PMS1: variants seen among roughly 807,000 people sequenced by gnomAD.
PMS1 encodes PMS1 homolog 1, mismatch repair system component, also known as PMS1 protein homolog 1.
A neutral mutation model predicts 93.1 loss-of-function variants in PMS1; 79 were observed. The ratio of observed to expected loss-of-function variants is 0.85; its 90% CI spans 0.71 to 1.02. The LOEUF (loss-of-function observed/expected upper bound fraction) is 1.02, where lower values mean the gene tolerates loss of function less well. PMS1 is among the 50% of genes least tolerant of loss of function. The pLI, the probability that PMS1 is intolerant of heterozygous loss-of-function variation, is 0.00. For synonymous variants in PMS1, 335 were observed against 363.4 expected, an observed-to-expected ratio of 0.92 and a Z score of 0.89; for missense variants, 1,064 against 1,085.3, an observed-to-expected ratio of 0.98 and a Z score of 0.28.
rs1271219659 is a variant in PMS1, at chr2:189,855,069, G to A, written c.1797G>A (p.Glu599=). 1 of 1,613,238 alleles carries A rather than the reference G, an allele frequency of 6.2e-7. No individual in the cohort carries two copies. The highest frequency in any genetic ancestry group is 8.5e-7 in the Non-Finnish European group (1 of 1,179,376). The change falls in exon 9 of 13, where the codon GAG becomes GAA. Residue 599 remains glutamate, a synonymous_variant. Transcript: ENST00000441310. ...FLIENPKTSL[E]DATLQIEELW... ...TAGAAAATCCTAAGACTAGTTTAGAGGATGCAACACTACAAATTGAAGAAC... is the reference window on the plus strand; with the variant it reads ...TAGAAAATCCTAAGACTAGTTTAGAAGATGCAACACTACAAATTGAAGAAC...
At chr2:189,856,154 CTTT>C (rs77130183) in intron 9 of PMS1, among the ~76,000 whole-genome samples, 1 of 140,478 alleles carries the variant, frequency 7.1e-6, no homozygotes, top group African/African-American at 2.6e-5. Context: ...TTTTTGTCAT[CTTT>C]TTTTTTTTTT....
chr2:189,846,902 C>T (rs2054300036), intron 6 of PMS1, among the ~76,000 whole-genome samples: 1 of 150,446 alleles, frequency 6.6e-6, no homozygotes, highest in Non-Finnish European at 1.5e-5. Flanking sequence ...TGCTCTGTCA[C>T]CCAGGCTGAA....
chr2:189,840,043 C>T (rs2053693347), intron 5 of PMS1, among the ~76,000 whole-genome samples: 1 of 152,086 alleles, frequency 6.6e-6, no homozygotes, highest in African/African-American at 2.4e-5. Flanking sequence ...ATGCAATATA[C>T]ACATTGAACC....
intron 3 of PMS1, among the ~76,000 whole-genome samples, chr2:189,796,349 G>A (rs1329464139): frequency 6.6e-6 from 1 of 151,896 alleles, no homozygotes; most frequent in East Asian, 1.9e-4. Context: ...GATAGAGTGA[G>A]ATTCTGTCTC....
intron 5 of PMS1, among the ~76,000 whole-genome samples, chr2:189,829,093 T>C (rs2052699616): frequency 6.6e-6 from 1 of 152,182 alleles, no homozygotes; most frequent in African/African-American, 2.4e-5. Flanking sequence ...GAGGATGAAC[T>C]ACAGTTCACA....
intron 4 of PMS1, among the ~76,000 whole-genome samples, chr2:189,811,769 G>C (rs995550047): frequency 1.8e-4 from 28 of 152,312 alleles, no homozygotes; most frequent in African/African-American, 5.3e-4. Flanking sequence ...CCGAAAACCA[G>C]TAATGTGTTG....
At chr2:189,795,496 TACCCATGATAATGAA>T (rs1250281763) in intron 2 of PMS1, among the ~76,000 whole-genome samples, 1 of 152,126 alleles carries the variant, frequency 6.6e-6, no homozygotes, top group Non-Finnish European at 1.5e-5. Context: ...TTATTGTAAA[TACCCATGATAATGAA>T]ACAGTGAAAA....
chr2:189,868,960 T>C (rs546337647), intron 11 of PMS1, among the ~76,000 whole-genome samples: 1 of 152,314 alleles, frequency 6.6e-6, no homozygotes, highest in South Asian at 2.1e-4. Context: ...CAACTAATAA[T>C]TATTGAATAA....
rs1490401900 is a variant in PMS1, at chr2:189,806,275, T to C, written c.418+521T>C. On this transcript the variant is annotated intron_variant, in intron 4 of 12. Coordinates refer to ENST00000441310, the MANE Select transcript of PMS1 (RefSeq NM_000534.5). ...CTTTCATGTAATACCCTCGCCCATT[T>C]CTTCCCTTTCTATATTACTTTGAAG... The C allele has an allele frequency of 2.5e-5, 6 of 242,718 alleles. No individual in the cohort carries two copies. The Admixed American group carries it at 3.2e-4, about 13-fold the overall frequency. The allele number at this position is 242,718 out of a possible 1,614,324, so 15.0% of individuals were successfully genotyped here.
intron 11 of PMS1, 44 bp downstream of exon 11, chr2:189,867,973 T>G: frequency 1.1e-5 from 17 of 1,511,862 alleles, no homozygotes; most frequent in Non-Finnish European, 1.6e-5. Context: ...GAAAAATTAG[T>G]CTTGTTCCAA....
At chr2:189,819,748 T>G (rs1162024544) in intron 5 of PMS1, among the ~76,000 whole-genome samples, 1 of 152,208 alleles carries the variant, frequency 6.6e-6, no homozygotes, top group Non-Finnish European at 1.5e-5. Context: ...TTTGAGCTTC[T>G]TATACCTTCT....
At chr2:189,845,312 T>C (rs989975836) in intron 6 of PMS1, among the ~76,000 whole-genome samples, 6 of 152,166 alleles carry the variant, frequency 3.9e-5, no homozygotes, top group African/African-American at 1.2e-4. Flanking sequence ...TCCATTGTTG[T>C]ATCTCTTATG....
chr2:189,832,859 T>C (rs2053074621), intron 5 of PMS1, among the ~76,000 whole-genome samples: 1 of 152,212 alleles, frequency 6.6e-6, no homozygotes, highest in Non-Finnish European at 1.5e-5. Context: ...TATTGAAATA[T>C]TTGTTACTTA....
At chr2:189,828,361 G>C (rs1051442067) in intron 5 of PMS1, among the ~76,000 whole-genome samples, 37 of 152,172 alleles carry the variant, frequency 2.4e-4, no homozygotes, top group Admixed American at 2.4e-3. Flanking sequence ...TGAAATGATA[G>C]GGTAATTGCC....
chr2:189,800,741 T>G (rs1371819539), intron 3 of PMS1, among the ~76,000 whole-genome samples: 1 of 152,226 alleles, frequency 6.6e-6, no homozygotes, highest in Non-Finnish European at 1.5e-5. Context: ...TAAACCATCC[T>G]AGGCTCAGTG....
intron 5 of PMS1, among the ~76,000 whole-genome samples, chr2:189,835,956 G>GA (rs146781457): frequency 0.046 from 6,646 of 145,420 alleles, 215 homozygotes; most frequent in African/African-American, 0.085. Context: ...TTGTTTGGTG[G>GA]AAAAAAAAAA....
intron 11 of PMS1, 57 bp downstream of exon 11, chr2:189,867,986 G>T (rs1472519228): frequency 7.1e-7 from 1 of 1,408,602 alleles, no homozygotes; most frequent in Admixed American, 1.7e-5. Flanking sequence ...TGTTCCAAGA[G>T]TTACATTTGG....
At chr2:189,785,019 A>G (rs1430315595) in intron 1 of PMS1, among the ~76,000 whole-genome samples, 1 of 152,222 alleles carries the variant, frequency 6.6e-6, no homozygotes, top group Non-Finnish European at 1.5e-5. Flanking sequence ...CGCCGAAGAC[A>G]GGCACCTGTA....
intron 1 of PMS1, among the ~76,000 whole-genome samples, chr2:189,788,959 T>G (rs1224725211): frequency 3.3e-5 from 5 of 152,166 alleles, no homozygotes; most frequent in Non-Finnish European, 7.4e-5. Flanking sequence ...GTGTGAATGT[T>G]ATGATGATGG....
Sources: allele counts gnomAD v4.1 joint callset (sites outside exome capture counted in the v4.1 genomes callset), GRCh38; gene constraint gnomAD v4.1.1; transcripts MANE v1.5; gene names NCBI Gene and HGNC (gene_info 2026-07-23, HGNC 2026-07-21).